The following ACYP2 variants were observed in gnomAD, a reference collection of about 807,000 sequenced individuals.
ACYP2 encodes the protein acylphosphatase-2.
Under a neutral mutation model 11.2 loss-of-function variants are expected in ACYP2, and 12 were observed. The observed-to-expected ratio is 1.08, with a 90% CI of 0.69 to 1.74. ACYP2 has a LOEUF of 1.74. Ranked by LOEUF, ACYP2 falls within the 40% of genes most tolerant of loss-of-function variation. The pLI is 0.00. For synonymous variants in ACYP2, 43 were observed against 32.2 expected, an observed-to-expected ratio of 1.33 and a Z score of -1.13; for missense variants, 134 against 101.9, an observed-to-expected ratio of 1.31 and a Z score of -1.35.
chr2:54,231,733 CAA>C (rs1686244661), intron 6 of ACYP2, among the ~76,000 whole-genome samples: 2 of 152,176 alleles, frequency 1.3e-5, no homozygotes, highest in African/African-American at 4.8e-5. Context: ...TGATTCCACT[CAA>C]GAGAGCGACA....
At chr2:54,060,072 C>T (rs776350205) in intron 4 of ACYP2, among the ~76,000 whole-genome samples, 4 of 152,136 alleles carry the variant, frequency 2.6e-5, no homozygotes, top group African/African-American at 4.8e-5. Flanking sequence ...TTAATGGGAC[C>T]TTCCAATCTG....
intron 4 of ACYP2, among the ~76,000 whole-genome samples, chr2:54,066,354 C>T (rs1676747361): frequency 6.6e-6 from 1 of 152,206 alleles, no homozygotes; most frequent in South Asian, 2.1e-4. Context: ...TTCTTGAGGC[C>T]TCGCCAGACA....
At chr2:53,986,297 C>T (rs1185577851) in intron 2 of ACYP2, among the ~76,000 whole-genome samples, 1 of 151,918 alleles carries the variant, frequency 6.6e-6, no homozygotes, top group African/African-American at 2.4e-5. Context: ...GATTCCCGCA[C>T]TATGCTTCCT....
chr2:54,077,528 T>C (rs527567735), intron 4 of ACYP2, among the ~76,000 whole-genome samples: 1 of 152,292 alleles, frequency 6.6e-6, no homozygotes, highest in East Asian at 1.9e-4. Context: ...GGTGGGAAGA[T>C]AATTATCAAC....
chr2:54,299,801 G>T (rs545647002), intron 6 of ACYP2, among the ~76,000 whole-genome samples: 4 of 152,148 alleles, frequency 2.6e-5, no homozygotes, highest in African/African-American at 7.2e-5. Flanking sequence ...TTGATCCCAG[G>T]CCCCAGTGGT....
chr2:54,114,781 G>T (rs1446202906), intron 4 of ACYP2, among the ~76,000 whole-genome samples: 3 of 152,150 alleles, frequency 2.0e-5, no homozygotes, highest in Non-Finnish European at 2.9e-5. Flanking sequence ...TAGCATAAAA[G>T]ACTTCATATT....
chr2:54,255,838 A>C (rs2104024604), intron 6 of ACYP2: 1 of 1,613,946 alleles, frequency 6.2e-7, no homozygotes. Context: ...GTCAGTTGTC[A>C]GCGAGGCAGA....
intron 6 of ACYP2, among the ~76,000 whole-genome samples, chr2:54,290,303 C>G (rs542079253): frequency 6.6e-6 from 1 of 152,068 alleles, no homozygotes; most frequent in South Asian, 2.1e-4. Context: ...AACCATAGAA[C>G]GTTGCATGCC....
chr2:54,185,599 C>A (rs577483527), intron 6 of ACYP2, among the ~76,000 whole-genome samples: 4 of 152,196 alleles, frequency 2.6e-5, no homozygotes, highest in Admixed American at 2.6e-4. Flanking sequence ...GTGATTTTAG[C>A]AGTCTAATTT....
chr2:54,256,285 C>T (rs1687529932), intron 6 of ACYP2: 1 of 962,256 alleles, frequency 1.0e-6, no homozygotes, highest in Non-Finnish European at 1.5e-6. Context: ...GACACCCACC[C>T]CTCAGTCTCG....
intron 6 of ACYP2, chr2:54,255,213 A>G (rs375897448): frequency 1.2e-6 from 2 of 1,614,078 alleles, no homozygotes; most frequent in African/African-American, 2.7e-5. Context: ...ATCTGACCTC[A>G]TACACCTTTA....
intron 6 of ACYP2, among the ~76,000 whole-genome samples, chr2:54,298,639 T>A (rs1298296636): frequency 6.6e-6 from 1 of 152,202 alleles, no homozygotes; most frequent in East Asian, 1.9e-4. Context: ...CTACTGGAAG[T>A]GGGCATGAAG....
chr2:54,064,150 C>CT (rs113626849), intron 4 of ACYP2, among the ~76,000 whole-genome samples: 14 of 151,196 alleles, frequency 9.3e-5, no homozygotes, highest in Admixed American at 1.3e-4. Flanking sequence ...CACCAGGCCT[C>CT]TTTTTTTTTG....
intron 6 of ACYP2, among the ~76,000 whole-genome samples, chr2:54,234,096 C>A (rs1010521498): frequency 6.6e-6 from 1 of 152,108 alleles, no homozygotes; most frequent in Non-Finnish European, 1.5e-5. Flanking sequence ...TAATGATTTT[C>A]CCGTTGAAAC....
At chr2:54,023,127 G>A (rs192813572) in intron 2 of ACYP2, among the ~76,000 whole-genome samples, 159 of 152,270 alleles carry the variant, frequency 1.0e-3, no homozygotes, top group African/African-American at 3.2e-3. Context: ...TATACCCAGC[G>A]TGCATAGCCT....
intron 4 of ACYP2, among the ~76,000 whole-genome samples, chr2:54,096,679 G>A (rs937990588): frequency 2.0e-5 from 3 of 152,166 alleles, no homozygotes; most frequent in East Asian, 1.9e-4. Flanking sequence ...AAAAAAATAC[G>A]AAAACCAGTC....
intron 6 of ACYP2, among the ~76,000 whole-genome samples, chr2:54,290,925 G>C (rs1689278077): frequency 6.6e-6 from 1 of 152,104 alleles, no homozygotes; most frequent in Non-Finnish European, 1.5e-5. Flanking sequence ...TCAAAATCTA[G>C]GCAGGCTTGC....
chr2:54,157,055 A>G (rs1682466252), intron 6 of ACYP2, among the ~76,000 whole-genome samples: 1 of 152,162 alleles, frequency 6.6e-6, no homozygotes, highest in Non-Finnish European at 1.5e-5. Context: ...TTACCAGTAC[A>G]AAATAAATGT....
chr2:54,221,336 C>A (rs1388043918), intron 6 of ACYP2, among the ~76,000 whole-genome samples: 2 of 152,022 alleles, frequency 1.3e-5, no homozygotes, highest in Non-Finnish European at 2.9e-5. Context: ...ACTGATATGA[C>A]CATTACTATT....
Sources: allele counts gnomAD v4.1 joint callset (sites outside exome capture counted in the v4.1 genomes callset), GRCh38; gene constraint gnomAD v4.1.1; transcripts MANE v1.5; gene names NCBI Gene and HGNC (gene_info 2026-07-23, HGNC 2026-07-21).